PPFIA2: variants seen among roughly 807,000 people sequenced by gnomAD.
PPFIA2 encodes the protein liprin-alpha-2.
A neutral mutation model predicts 175.5 loss-of-function variants in PPFIA2; 46 were observed. The observed-to-expected ratio is 0.26, with a 90% CI of 0.21 to 0.34. The LOEUF is 0.34. Among genes scored for constraint, PPFIA2 ranks in the 10% least tolerant of loss-of-function variants. PPFIA2 has a pLI of 1.00. For missense variants in PPFIA2, 1,179 were observed against 1,506.1 expected (o/e 0.78, Z 3.60); for synonymous variants, 568 against 511.4 (o/e 1.11, Z -1.49).
chr12:81,447,182 G>T (rs758358342), intron 5 of PPFIA2, among the ~76,000 whole-genome samples: 2 of 152,030 alleles, frequency 1.3e-5, no homozygotes, highest in Non-Finnish European at 2.9e-5. Flanking sequence ...AAAATAACCT[G>T]AAATTTTCAA....
At chr12:81,409,467 T>C (rs2043518890) in intron 7 of PPFIA2, among the ~76,000 whole-genome samples, 1 of 151,964 alleles carries the variant, frequency 6.6e-6, no homozygotes, top group South Asian at 2.1e-4. Context: ...ATCATTGGAG[T>C]GGGTTCTGGA....
intron 3 of PPFIA2, among the ~76,000 whole-genome samples, chr12:81,748,085 T>C (rs1236592531): frequency 6.9e-6 from 1 of 144,238 alleles, no homozygotes; most frequent in East Asian, 2.1e-4. Context: ...GGAGCCCCAA[T>C]TCAAATTCAG....
chr12:81,737,596 T>C (rs1036468902), intron 3 of PPFIA2, among the ~76,000 whole-genome samples: 2 of 151,570 alleles, frequency 1.3e-5, no homozygotes, highest in African/African-American at 2.4e-5. Context: ...AAAAGACAAA[T>C]GAAACAGATA....
At chr12:81,298,983 G>C (rs1043029550) in intron 23 of PPFIA2, among the ~76,000 whole-genome samples, 1 of 152,100 alleles carries the variant, frequency 6.6e-6, no homozygotes, top group Non-Finnish European at 1.5e-5. Context: ...TGCTAATGAG[G>C]AAGGGCCCTG....
chr12:81,336,734 G>A (rs2057193682), intron 21 of PPFIA2, among the ~76,000 whole-genome samples: 1 of 152,116 alleles, frequency 6.6e-6, no homozygotes, highest in South Asian at 2.1e-4. Context: ...ACATGGTTCA[G>A]AATTTCAAAT....
At position 81,294,826 on chromosome 12, in the gene PPFIA2, C is replaced by A. The variant is rs771953120; in HGVS notation, c.2925+9G>T. The stretch of plus-strand genomic sequence containing the variant: ...CACTGAGGAAGGGGAGGAGCAGAAA[C>A]TGACTCACAGTTCGAGATGTTGGAG... On this transcript the variant is annotated intron_variant, in intron 24 of 32. Transcript: ENST00000549396. 1 of 1,611,236 alleles carries A rather than the reference C, an allele frequency of 6.2e-7. No individual in the cohort carries two copies. Among genetic ancestry groups the A allele is most frequent in the East Asian group, 2.2e-5 (1 of 44,818 alleles).
chr12:81,463,892 A>G (rs918009386), intron 4 of PPFIA2, among the ~76,000 whole-genome samples: 3 of 152,144 alleles, frequency 2.0e-5, no homozygotes, highest in Admixed American at 1.3e-4. Context: ...TTAATATCTT[A>G]AAATTTTGAA....
At chr12:81,318,114 C>T (rs572820150) in intron 22 of PPFIA2, among the ~76,000 whole-genome samples, 5 of 151,776 alleles carry the variant, frequency 3.3e-5, no homozygotes, top group African/African-American at 1.2e-4. Context: ...TTTGGTTGTT[C>T]ATTCTGTTGG....
intron 7 of PPFIA2, among the ~76,000 whole-genome samples, chr12:81,427,569 A>ATTTGTTC (rs1177075205): frequency 6.6e-6 from 1 of 152,058 alleles, no homozygotes; most frequent in Admixed American, 6.6e-5. Flanking sequence ...ATGAACAAAT[A>ATTTGTTC]AGGTATTTGT....
Position 81,347,781 on chromosome 12 carries a change from C to G in PPFIA2, c.1995-11G>C. On this transcript the variant is annotated splice_polypyrimidine_tract_variant and intron_variant, in intron 17 of 32. Coordinates refer to ENST00000549396, the MANE Select transcript of PPFIA2 (RefSeq NM_003625.5). ...TCTTCCTGAATTAGCCTGAAAGATA[C>G]AGTTTAATTATGATCCATATATAAT... 1 of 1,612,986 alleles carries G rather than the reference C, an allele frequency of 6.2e-7. No homozygotes were observed. The highest frequency in any genetic ancestry group is 8.5e-7 in the Non-Finnish European group (1 of 1,179,626).
chr12:81,726,703 C>T (rs567425279), intron 3 of PPFIA2, among the ~76,000 whole-genome samples: 2 of 151,368 alleles, frequency 1.3e-5, no homozygotes, highest in South Asian at 4.2e-4. Flanking sequence ...CCACAGATGG[C>T]CCATGTATTG....
At chr12:81,442,922 T>C (rs2050500427) in intron 6 of PPFIA2, among the ~76,000 whole-genome samples, 2 of 134,388 alleles carry the variant, frequency 1.5e-5, no homozygotes, top group South Asian at 4.9e-4. Context: ...TATATATCTA[T>C]ATCCACATCC....
intron 16 of PPFIA2, among the ~76,000 whole-genome samples, chr12:81,355,917 G>T (rs536526843): frequency 6.6e-6 from 1 of 152,180 alleles, no homozygotes; most frequent in Non-Finnish European, 1.5e-5. Context: ...CAGCAGTAAG[G>T]CTGTTTTGTT....
At chr12:81,328,059 T>A (rs1364663698) in intron 21 of PPFIA2, among the ~76,000 whole-genome samples, 1 of 152,106 alleles carries the variant, frequency 6.6e-6, no homozygotes, top group East Asian at 1.9e-4. Flanking sequence ...AAGTGCATAT[T>A]TTCAGCCCAA....
At chr12:81,490,811 G>T (rs891753993) in intron 4 of PPFIA2, among the ~76,000 whole-genome samples, 5 of 151,724 alleles carry the variant, frequency 3.3e-5, no homozygotes, top group African/African-American at 1.2e-4. Context: ...GCTTATACTG[G>T]TCCCCATAGA....
intron 4 of PPFIA2, among the ~76,000 whole-genome samples, chr12:81,462,722 T>C (rs2054873875): frequency 6.6e-6 from 1 of 151,238 alleles, no homozygotes; most frequent in African/African-American, 2.4e-5. Flanking sequence ...AGGAATAGGC[T>C]AGCTCTAGTG....
chr12:81,540,828 C>A (rs2066094821), intron 4 of PPFIA2, among the ~76,000 whole-genome samples: 1 of 151,804 alleles, frequency 6.6e-6, no homozygotes, highest in South Asian at 2.1e-4. Context: ...AAATGACATA[C>A]CCTATATCTA....
At chr12:81,663,509 C>A (rs547672939) in intron 4 of PPFIA2, among the ~76,000 whole-genome samples, 5 of 152,112 alleles carry the variant, frequency 3.3e-5, no homozygotes, top group Admixed American at 6.6e-5. Context: ...TCAAGGAGAA[C>A]TACAAACCAC....
intron 17 of PPFIA2, among the ~76,000 whole-genome samples, chr12:81,350,844 A>T (rs2059885351): frequency 6.6e-6 from 1 of 152,160 alleles, no homozygotes; most frequent in African/African-American, 2.4e-5. Context: ...TAGGGTGATG[A>T]TAGGTAATTT....
Sources: allele counts gnomAD v4.1 joint callset (sites outside exome capture counted in the v4.1 genomes callset), GRCh38; gene constraint gnomAD v4.1.1; transcripts MANE v1.5; gene names NCBI Gene and HGNC (gene_info 2026-07-23, HGNC 2026-07-21).